The following CTTNBP2 variants were observed in gnomAD, a reference collection of about 807,000 sequenced individuals.
The protein encoded by CTTNBP2 is cortactin binding protein 2, also known as cortactin-binding protein 2.
CTTNBP2 carries 108 observed loss-of-function variants against 156.9 expected under a neutral mutation model. The observed-to-expected ratio is 0.69, with a 90% CI of 0.59 to 0.81. The LOEUF is 0.81. Ranked by LOEUF, CTTNBP2 falls within the 30% of genes least tolerant of loss-of-function variation. The pLI, the probability that CTTNBP2 is intolerant of heterozygous loss-of-function variation, is 0.00. For missense variants in CTTNBP2, 1,924 were observed against 2,035.4 expected, an observed-to-expected ratio of 0.95 and a Z score of 1.05; for synonymous variants, 767 against 751.8, an observed-to-expected ratio of 1.02 and a Z score of -0.33.
Position 117,777,677 on chromosome 7 carries a change from C to T in CTTNBP2, c.2612G>A (p.Gly871Glu), listed in dbSNP as rs549252058. Reference protein sequence around the residue: ...LLMYHRIPAHGNSFNEEESES... With the variant: ...LLMYHRIPAHENSFNEEESES... ...GGACTCCTCCTCATTGAAAGAATTT[C>T]CATGAGCTGGTATTCTATGGTACAT... Residue 871 changes from glycine (G) to glutamate (E), a missense_variant, in exon 8 of 23, where the codon GGA (glycine) becomes GAA (glutamate). Transcript: ENST00000160373. 2 of 1,614,132 alleles carry T rather than the reference C, an allele frequency of 1.2e-6. No individual in the cohort carries two copies.
At position 117,841,088 on chromosome 7, in the gene CTTNBP2, T is replaced by G. The variant is rs143685678; in HGVS notation, c.189+20121A>C. ...TTAATGTGTTAACTTAAACAACATA[T>G]TTATGGGAAAAAAGCACTATATTTT... On this transcript the variant is annotated intron_variant, in intron 2 of 22. Coordinates refer to ENST00000160373, the MANE Select transcript of CTTNBP2 (RefSeq NM_033427.3). 5.4e-4 allele frequency among the ~76,000 whole-genome samples: 82 copies of G among 152,298 alleles called. 1 individual carries two copies. The highest frequency in any genetic ancestry group is 2.1e-3 in the South Asian group (10 of 4,822).
rs554926056 is a variant in CTTNBP2 at position 117,791,376 on chromosome 7, G to A, written c.1820C>T (p.Ser607Phe). ...VINEENLPKS[S>F]SPQLPPKPSI... ...TGGTTTTGGTGGCAGCTGAGGGGAG[G>A]ATGACTTAGGAAGGTTCTCCTCATT... The change falls in exon 4 of 23, where the codon TCC (serine) becomes TTC (phenylalanine). Residue 607 changes from serine (S) to phenylalanine (F), a missense_variant. By Grantham distance (155) the Ser-to-Phe change is radical. Coordinates refer to ENST00000160373, the MANE Select transcript of CTTNBP2 (RefSeq NM_033427.3). The A allele has an allele frequency of 9.9e-6, 16 of 1,614,134 alleles. No homozygotes were observed. The African/African-American group carries it at 1.6e-4, about 16-fold the overall frequency.
At position 117,724,744 on chromosome 7, in the gene CTTNBP2, C is replaced by T. The variant is rs779716027; in HGVS notation, c.4262-12G>A. On this transcript the variant is annotated splice_polypyrimidine_tract_variant and intron_variant, in intron 18 of 22. Transcript: ENST00000160373. ...ATGCTGGTCTAGCTCTGAAACAACA[C>T]AAATCACAGCAGGGATAATGCAGTT... is the stretch of plus-strand genomic sequence containing the variant. The T allele has an allele frequency of 6.2e-7, 1 of 1,613,178 alleles. No individual in the cohort carries two copies. The highest frequency in any genetic ancestry group is 8.5e-7 in the Non-Finnish European group (1 of 1,179,792).
intron 2 of CTTNBP2, among the ~76,000 whole-genome samples, chr7:117,851,886 A>G (rs902743604): frequency 2.0e-5 from 3 of 152,188 alleles, no homozygotes; most frequent in Non-Finnish European, 4.4e-5. Flanking sequence ...TTTATGAAAA[A>G]TGTATTCCCA....
intron 2 of CTTNBP2, among the ~76,000 whole-genome samples, chr7:117,841,739 T>C (rs947333061): frequency 6.6e-6 from 1 of 152,250 alleles, no homozygotes; most frequent in Non-Finnish European, 1.5e-5. Flanking sequence ...TGCATGATTA[T>C]ACAGGCAGAG....
chr7:117,841,102 G>T (rs980659302), intron 2 of CTTNBP2, among the ~76,000 whole-genome samples: 3 of 152,206 alleles, frequency 2.0e-5, no homozygotes, highest in Admixed American at 2.0e-4. Context: ...TGGGAAAAAA[G>T]CACTATATTT....
intron 10 of CTTNBP2, 89 bp downstream of exon 10, chr7:117,760,346 A>T: frequency 7.6e-7 from 1 of 1,309,226 alleles, no homozygotes; most frequent in Non-Finnish European, 1.1e-6. Flanking sequence ...AATGTGCTTA[A>T]TCAATGAACT....
intron 11 of CTTNBP2, 93 bp downstream of exon 11, chr7:117,757,781 AT>A: frequency 1.3e-6 from 1 of 746,874 alleles, no homozygotes; most frequent in Non-Finnish European, 2.2e-6. Flanking sequence ...GCTAGAAGAC[AT>A]GGGATGAAAC....
At chr7:117,713,706 C>CTAAT (rs1794182616) in intron 22 of CTTNBP2, 1 of 152,182 alleles carries the variant, frequency 6.6e-6, no homozygotes. Flanking sequence ...TGTTAAAGTC[C>CTAAT]TAATTCTTTA....
At chr7:117,829,060 C>A (rs1012846694) in intron 2 of CTTNBP2, among the ~76,000 whole-genome samples, 4 of 152,184 alleles carry the variant, frequency 2.6e-5, no homozygotes, top group Admixed American at 2.6e-4. Context: ...TTGTAGGAAT[C>A]TGTTTTCTCT....
rs1444074901 is a variant in CTTNBP2, at chr7:117,773,661, A to ACG, written c.2778+3849_2778+3850insCG. ...TTGCTTAGAGTTAACACACACACAC[A>ACG]CACACACACACACACACACACACAC... On this transcript the variant is annotated intron_variant, in intron 8 of 22. Transcript: ENST00000160373. 6.9e-5 allele frequency among the ~76,000 whole-genome samples: 8 copies of ACG among 116,654 alleles called. No homozygotes were observed. The East Asian group carries it at 1.6e-3, about 24-fold the overall frequency. 76.5% of individuals were successfully genotyped at this position (116,654 alleles called of 152,430 possible).
intron 1 of CTTNBP2, among the ~76,000 whole-genome samples, chr7:117,872,636 C>CAAG (rs753796281): frequency 6.6e-6 from 1 of 152,170 alleles, no homozygotes; most frequent in South Asian, 2.1e-4. Context: ...GTCTTGAAAC[C>CAAG]AGGTGCAGAA....
chr7:117,816,817 C>T (rs1238650703), intron 2 of CTTNBP2, among the ~76,000 whole-genome samples: 1 of 151,862 alleles, frequency 6.6e-6, no homozygotes, highest in African/African-American at 2.4e-5. Flanking sequence ...GTAAGGAGAC[C>T]ATGTAACAAA....
intron 17 of CTTNBP2, among the ~76,000 whole-genome samples, chr7:117,727,531 A>G (rs1795158036): frequency 6.6e-6 from 1 of 152,206 alleles, no homozygotes; most frequent in Non-Finnish European, 1.5e-5. Context: ...TCCAAAATAG[A>G]CTTCTGCCCA....
intron 8 of CTTNBP2, among the ~76,000 whole-genome samples, chr7:117,769,874 C>A (rs764992801): frequency 6.6e-6 from 1 of 152,188 alleles, no homozygotes; most frequent in Non-Finnish European, 1.5e-5. Flanking sequence ...GGATTCTAAT[C>A]CTGCCATCCA....
chr7:117,812,932 G>A (rs1413959569), intron 2 of CTTNBP2, among the ~76,000 whole-genome samples: 1 of 152,134 alleles, frequency 6.6e-6, no homozygotes, highest in Non-Finnish European at 1.5e-5. Context: ...TCCTTCATCA[G>A]CTAGCATCTG....
In CTTNBP2 at chr7:117,819,356, T is replaced by TTCTCTCTCTCTC. The variant is rs144262146; in HGVS notation, c.190-8379_190-8368dup. ...TTCACATACTCTTTCTCTTTTCTCC[T>TTCTCTCTCTCTC]TCTCTCTCTCTCACACACACACACA... On this transcript the variant is annotated intron_variant, in intron 2 of 22. Transcript: ENST00000160373. 8.1e-4 allele frequency among the ~76,000 whole-genome samples: 103 copies of TTCTCTCTCTCTC among 127,118 alleles called. 1 individual carries two copies. In the Middle Eastern group the frequency reaches 0.036, roughly 44 times the overall value. The allele number at this position is 127,118 out of a possible 152,430, so 83.4% of individuals were successfully genotyped here.
At chr7:117,793,608 G>A (rs886157159) in intron 3 of CTTNBP2, 1 of 152,208 alleles carries the variant, frequency 6.6e-6, no homozygotes, top group African/African-American at 2.4e-5. Context: ...GGGTGAGTAG[G>A]AGCAAAATTC....
chr7:117,795,337 A>C (rs1008206428), intron 3 of CTTNBP2, among the ~76,000 whole-genome samples: 2 of 152,220 alleles, frequency 1.3e-5, no homozygotes, highest in African/African-American at 2.4e-5. Flanking sequence ...AGAACTATTA[A>C]GAAAATTTAA....
Sources: allele counts gnomAD v4.1 joint callset (sites outside exome capture counted in the v4.1 genomes callset), GRCh38; gene constraint gnomAD v4.1.1; transcripts MANE v1.5; gene names NCBI Gene and HGNC (gene_info 2026-07-23, HGNC 2026-07-21).